Variants in RIPOR2 observed in about 807,000 individuals in gnomAD.
RIPOR2 encodes rho family-interacting cell polarization regulator 2.
In RIPOR2, 39 loss-of-function variants were observed where a neutral mutation model predicts 114.5. The observed-to-expected ratio is 0.34, with a 90% confidence interval of 0.26 to 0.44. The LOEUF (loss-of-function observed/expected upper bound fraction) is 0.44. Ranked by LOEUF, RIPOR2 falls within the 20% of genes least tolerant of loss-of-function variation. The probability of loss-of-function intolerance (pLI) is 1.00; values close to 1 mark genes in which losing one functional copy is unlikely to be tolerated. For missense variants in RIPOR2, 1,007 were observed against 1,255.1 expected, an observed-to-expected ratio of 0.80 and a Z score of 2.99; for synonymous variants, 445 against 484.4, an observed-to-expected ratio of 0.92 and a Z score of 1.07.
Position 24,809,812 on chromosome 6 carries a change from G to A in RIPOR2, c.2953-5C>T. On this transcript the variant is annotated splice_polypyrimidine_tract_variant and splice_region_variant and intron_variant, in intron 20 of 21. Coordinates refer to ENST00000643898, the MANE Select transcript of RIPOR2 (RefSeq NM_001286445.3). ...CATTTTAATGCTTTCAGTAGCCTAT[G>A]GGGGAAAAATAGGTTAAATCGTGTT... is the stretch of plus-strand genomic sequence containing the variant. The A allele has an allele frequency of 6.5e-7, 1 of 1,530,002 alleles. No homozygotes were observed. Among genetic ancestry groups the A allele is most frequent in the Non-Finnish European group, 8.9e-7 (1 of 1,127,336 alleles). The allele number at this position is 1,530,002 out of a possible 1,614,324, so 94.8% of individuals were successfully genotyped here.
intron 1 of RIPOR2, among the ~76,000 whole-genome samples, chr6:24,903,827 GGC>G (rs1768703768): frequency 6.6e-6 from 1 of 152,202 alleles, no homozygotes; most frequent in South Asian, 2.1e-4. Flanking sequence ...AAAAATCTCA[GGC>G]ATCCACTTGT....
intron 1 of RIPOR2, among the ~76,000 whole-genome samples, chr6:24,892,583 T>C (rs1262779631): frequency 6.6e-6 from 1 of 152,234 alleles, no homozygotes; most frequent in African/African-American, 2.4e-5. Context: ...TTCATTCATT[T>C]TCTTGTGTCC....
Position 25,003,800 on chromosome 6 carries a change from C to T in RIPOR2, c.76+38051G>A, listed in dbSNP as rs115515105. Among the ~76,000 whole-genome samples the T allele has an allele frequency of 2.9e-3, 447 of 152,274 alleles. 2 individuals carry two copies. The highest frequency in any genetic ancestry group is 4.6e-3 in the South Asian group (22 of 4,830). On this transcript the variant is annotated intron_variant, in intron 1 of 13. Transcript: ENST00000510784. ...ACTTTTTTATATTTTCAGTAGAATGCGTTCCAGTCTTAGCTTTTCCAACAG... is the reference window on the plus strand; with the variant it reads ...ACTTTTTTATATTTTCAGTAGAATGTGTTCCAGTCTTAGCTTTTCCAACAG...
chr6:24,849,098 T>C (rs1762599308), intron 11 of RIPOR2, among the ~76,000 whole-genome samples: 1 of 152,134 alleles, frequency 6.6e-6, no homozygotes, highest in African/African-American at 2.4e-5. Flanking sequence ...AAAGATGGGG[T>C]TTCACCATGT....
chr6:24,922,661 A>T (rs917834044), intron 1 of RIPOR2, among the ~76,000 whole-genome samples: 1 of 151,930 alleles, frequency 6.6e-6, no homozygotes, highest in East Asian at 1.9e-4. Flanking sequence ...GGAGTTCGAG[A>T]CCAGCCTGGC....
intron 8 of RIPOR2, among the ~76,000 whole-genome samples, chr6:24,856,907 C>T (rs1434720420): frequency 1.3e-5 from 2 of 151,054 alleles, no homozygotes; most frequent in Non-Finnish European, 2.9e-5. Context: ...TGTTTTTCCC[C>T]CCCCTTTAAA....
intron 1 of RIPOR2, chr6:24,876,989 C>G: frequency 2.0e-6 from 2 of 985,354 alleles, no homozygotes; most frequent in Non-Finnish European, 2.4e-6. Flanking sequence ...GAGAGGGGGA[C>G]AGGCTAGCAG....
chr6:24,870,655 C>A (rs1765068583), intron 5 of RIPOR2, among the ~76,000 whole-genome samples: 2 of 152,172 alleles, frequency 1.3e-5, no homozygotes, highest in Non-Finnish European at 2.9e-5. Context: ...CACAGGCACA[C>A]ACTACCATGC....
At chr6:24,828,402 C>T (rs1015230038) in intron 17 of RIPOR2, 107 bp from the exon 18 acceptor site, 3 of 1,055,260 alleles carry the variant, frequency 2.8e-6, no homozygotes, top group Non-Finnish European at 3.8e-6. Flanking sequence ...CAGGGTCTCA[C>T]TTTGTTGCCC....
chr6:24,903,966 C>T (rs1195620715), intron 1 of RIPOR2, among the ~76,000 whole-genome samples: 1 of 152,226 alleles, frequency 6.6e-6, no homozygotes, highest in African/African-American at 2.4e-5. Flanking sequence ...TCAGCATCGT[C>T]CCAACCCCTT....
At chr6:24,921,943 C>T (rs1015136239) in intron 1 of RIPOR2, among the ~76,000 whole-genome samples, 2 of 151,864 alleles carry the variant, frequency 1.3e-5, no homozygotes, top group African/African-American at 4.8e-5. Context: ...AATTCTCTTG[C>T]CTCAGCCTCC....
chr6:24,923,058 G>T (rs1373756391), intron 1 of RIPOR2, among the ~76,000 whole-genome samples: 2 of 151,876 alleles, frequency 1.3e-5, no homozygotes. Flanking sequence ...CCAGCCTCTG[G>T]CAACCACCGT....
chr6:24,850,805 C>T (rs1442867750), intron 9 of RIPOR2, 83 bp from the exon 10 acceptor site: 2 of 1,468,680 alleles, frequency 1.4e-6, no homozygotes, highest in African/African-American at 2.8e-5. Flanking sequence ...GGAGAAAGAC[C>T]TAAAGCCACT....
At chr6:24,857,761 C>T (rs1375943494) in intron 8 of RIPOR2, among the ~76,000 whole-genome samples, 1 of 152,214 alleles carries the variant, frequency 6.6e-6, no homozygotes, top group African/African-American at 2.4e-5. Context: ...GATATATGCA[C>T]TGCCTGGAAC....
chr6:24,873,839 C>T (rs1386773132), intron 2 of RIPOR2, 40 bp from the exon 3 acceptor site: 1 of 1,541,236 alleles, frequency 6.5e-7, no homozygotes, highest in East Asian at 2.3e-5. Context: ...ATTGGGCATC[C>T]AAAAGGATTT....
intron 1 of RIPOR2, among the ~76,000 whole-genome samples, chr6:25,027,628 A>C (rs1776694134): frequency 6.6e-6 from 1 of 152,224 alleles, no homozygotes; most frequent in Non-Finnish European, 1.5e-5. Flanking sequence ...AAGCATGGGA[A>C]CAGCCTTGGG....
intron 1 of RIPOR2, among the ~76,000 whole-genome samples, chr6:24,946,318 A>G (rs1423090847): frequency 1.3e-5 from 2 of 152,036 alleles, no homozygotes; most frequent in African/African-American, 4.8e-5. Flanking sequence ...CAGGCCATCC[A>G]CCTGCCTCGG....
intron 17 of RIPOR2, 45 bp downstream of exon 17, chr6:24,830,464 C>T (rs1199975703): frequency 2.0e-6 from 3 of 1,514,932 alleles, no homozygotes; most frequent in South Asian, 2.4e-5. Flanking sequence ...AATGCCCACT[C>T]TCACACTGAA....
intron 1 of RIPOR2, among the ~76,000 whole-genome samples, chr6:25,018,224 A>G (rs543848100): frequency 6.6e-6 from 1 of 152,342 alleles, no homozygotes; most frequent in East Asian, 1.9e-4. Context: ...CAAACGCAGT[A>G]TCTTGGCTAG....
Sources: gnomAD v4.1 joint callset for allele counts (sites outside exome capture counted in the v4.1 genomes callset) on GRCh38, gnomAD v4.1.1 for gene constraint, MANE v1.5 for transcripts, NCBI Gene and HGNC (gene_info 2026-07-23, HGNC 2026-07-21) for gene names.